Variants in TPP2 observed in about 807,000 individuals in gnomAD.
TPP2 encodes tripeptidyl peptidase 2, also known as tripeptidyl-peptidase 2.
In TPP2, 34 loss-of-function variants were observed where a neutral mutation model predicts 155.9. The observed-to-expected ratio is 0.22, with a 90% CI of 0.17 to 0.29. TPP2 has a LOEUF of 0.29. Among genes scored for constraint, TPP2 ranks in the 10% least tolerant of loss-of-function variants. The pLI, the probability that TPP2 is intolerant of heterozygous loss-of-function variation, is 1.00. For missense variants in TPP2, 1,028 were observed against 1,522.3 expected (o/e 0.68, Z 5.40); for synonymous variants, 510 against 529.4 (o/e 0.96, Z 0.50).
chr13:102,649,531 T>C, intron 23 of TPP2, 45 bp downstream of exon 23: 1 of 1,512,162 alleles, frequency 6.6e-7, no homozygotes, highest in Admixed American at 1.9e-5. Context: ...ATTAAAAAAT[T>C]TCATTTCTTT....
At chr13:102,605,026 C>G in intron 2 of TPP2, 105 bp downstream of exon 2, 1 of 1,498,644 alleles carries the variant, frequency 6.7e-7, no homozygotes, top group African/African-American at 1.4e-5. Context: ...TATCCATTGC[C>G]ACATATCAGA....
At chr13:102,669,124 A>G (rs532918578) in intron 27 of TPP2, among the ~76,000 whole-genome samples, 13 of 152,320 alleles carry the variant, frequency 8.5e-5, no homozygotes, top group African/African-American at 3.1e-4. Flanking sequence ...CTGCAGGTTT[A>G]TGTCTTGAGA....
intron 11 of TPP2, 81 bp from the exon 12 acceptor site, chr13:102,635,506 C>A: frequency 1.1e-6 from 1 of 945,442 alleles, no homozygotes; most frequent in Non-Finnish European, 1.7e-6. Context: ...AGAGGGTCTA[C>A]AGGTGATCGA....
chr13:102,627,602 C>A (rs1427715505), intron 7 of TPP2, among the ~76,000 whole-genome samples: 2 of 151,336 alleles, frequency 1.3e-5, no homozygotes, highest in African/African-American at 4.9e-5. Context: ...CCTCTAACCC[C>A]ACTCTTTTCT....
rs2139451588 is a variant in TPP2, at chr13:102,618,802, C to G, written c.576C>G (p.Gly192=). 2.5e-6 allele frequency: 4 copies of G among 1,613,822 alleles called. 1 individual carries two copies. Among genetic ancestry groups the G allele is most frequent in the Non-Finnish European group, 3.4e-6 (4 of 1,179,824 alleles). Residue 192 remains glycine, a synonymous_variant, in exon 5 of 30, where the codon GGC becomes GGG. Coordinates refer to ENST00000376052, the MANE Select transcript of TPP2 (RefSeq NM_001330588.2). ...NSFEKKYSDP[G]PVYDCLVWHD... ...TTGAGAAGAAATACAGCGATCCTGG[C>G]CCTGTATATGACTGCTTGGTATGGC...
At chr13:102,657,305 A>G (rs897194261) in intron 25 of TPP2, 98 bp downstream of exon 25, 60 of 985,504 alleles carry the variant, frequency 6.1e-5, no homozygotes, top group Non-Finnish European at 8.1e-5. Context: ...ATTTAAAATT[A>G]TTAACAGCAG....
chr13:102,653,303 A>AT (rs1368757887), intron 24 of TPP2, among the ~76,000 whole-genome samples: 4 of 152,120 alleles, frequency 2.6e-5, no homozygotes, highest in Non-Finnish European at 4.4e-5. Context: ...TTCTTAATAG[A>AT]TTTTTTCCTC....
At chr13:102,647,430 A>G in intron 21 of TPP2, 86 bp downstream of exon 21, 1 of 1,485,870 alleles carries the variant, frequency 6.7e-7, no homozygotes, top group Non-Finnish European at 9.0e-7. Context: ...GGTAATGTTC[A>G]TACTTTAAAA....
At position 102,604,731 on chromosome 13, in the gene TPP2, G is replaced by A. The variant is rs1879691806; in HGVS notation, c.166-62G>A. ...TACACACACATATATATGTGGATTT[G>A]CATTGTTTAGGAATAAAAACCTAAA... On this transcript the variant is annotated intron_variant, in intron 1 of 29. Transcript: ENST00000376052. 5.7e-5 allele frequency: 87 copies of A among 1,537,420 alleles called. 2 individuals are homozygous for A. In the South Asian group the frequency reaches 1.0e-3, roughly 18 times the overall value.
chr13:102,613,117 G>C (rs1293465340), intron 2 of TPP2, among the ~76,000 whole-genome samples: 2 of 152,194 alleles, frequency 1.3e-5, no homozygotes, highest in Admixed American at 1.3e-4. Context: ...GTATGCCAGC[G>C]TGTTTGAAAT....
At chr13:102,609,454 A>G (rs905031706) in intron 2 of TPP2, among the ~76,000 whole-genome samples, 5 of 139,720 alleles carry the variant, frequency 3.6e-5, no homozygotes, top group African/African-American at 1.1e-4. Context: ...CTGGAGTGCA[A>G]TGGCGCGATC....
intron 27 of TPP2, among the ~76,000 whole-genome samples, chr13:102,671,684 CAG>C (rs1231801817): frequency 1.3e-5 from 2 of 152,178 alleles, no homozygotes; most frequent in African/African-American, 4.8e-5. Context: ...TTGCCTAAGA[CAG>C]GGTCCCATAG....
intron 23 of TPP2, among the ~76,000 whole-genome samples, chr13:102,649,948 A>G (rs1368708307): frequency 1.3e-5 from 2 of 152,122 alleles, no homozygotes; most frequent in African/African-American, 4.8e-5. Flanking sequence ...ACCCTAAAAC[A>G]TGTTTCTTCA....
intron 24 of TPP2, among the ~76,000 whole-genome samples, chr13:102,653,118 G>C (rs570494647): frequency 2.0e-5 from 3 of 152,310 alleles, no homozygotes; most frequent in African/African-American, 7.2e-5. Context: ...AGCTTCATTT[G>C]AAGAACTTGG....
intron 24 of TPP2, 180 bp from the exon 25 acceptor site, chr13:102,656,876 T>G: frequency 2.1e-6 from 1 of 476,896 alleles, no homozygotes; most frequent in Non-Finnish European, 3.6e-6. Context: ...CATCAGTTTG[T>G]GAGAAAATTA....
intron 3 of TPP2, 89 bp from the exon 4 acceptor site, chr13:102,616,307 G>A: frequency 2.8e-6 from 3 of 1,086,912 alleles, no homozygotes; most frequent in Non-Finnish European, 4.0e-6. Context: ...TATCACAACT[G>A]TACCAACAAA....
chr13:102,600,157 C>T (rs575830651), intron 1 of TPP2, among the ~76,000 whole-genome samples: 2 of 152,148 alleles, frequency 1.3e-5, no homozygotes, highest in African/African-American at 2.4e-5. Flanking sequence ...TTTCTTATGT[C>T]CATAGCCCCT....
intron 24 of TPP2, among the ~76,000 whole-genome samples, chr13:102,656,416 G>A (rs1264931594): frequency 6.6e-6 from 1 of 152,068 alleles, no homozygotes; most frequent in Non-Finnish European, 1.5e-5. Flanking sequence ...TCTGCTCCTT[G>A]TTCATTGAGG....
chr13:102,638,151 T>A (rs1882509316), intron 14 of TPP2, 88 bp from the exon 15 acceptor site: 1 of 1,238,844 alleles, frequency 8.1e-7, no homozygotes, highest in Non-Finnish European at 1.2e-6. Flanking sequence ...AAAAGTAGAT[T>A]GATTTATTCT....
Sources: allele counts gnomAD v4.1 joint callset (sites outside exome capture counted in the v4.1 genomes callset), GRCh38; gene constraint gnomAD v4.1.1; transcripts MANE v1.5; gene names NCBI Gene and HGNC (gene_info 2026-07-23, HGNC 2026-07-21).